Variants in ACACA observed in about 807,000 individuals in gnomAD.
The protein encoded by ACACA is acetyl-CoA carboxylase alpha.
ACACA carries 103 observed loss-of-function variants against 296.1 expected under a neutral mutation model. The observed-to-expected ratio is 0.35, with a 90% CI of 0.30 to 0.41. ACACA has a LOEUF of 0.41. ACACA is among the 10% of genes least tolerant of loss of function. The pLI, the probability that ACACA is intolerant of heterozygous loss-of-function variation, is 1.00. For missense variants in ACACA, 1,554 were observed against 2,989.7 expected, an observed-to-expected ratio of 0.52 and a Z score of 11.20; for synonymous variants, 953 against 1,038.6, an observed-to-expected ratio of 0.92 and a Z score of 1.58.
intron 55 of ACACA, among the ~76,000 whole-genome samples, chr17:37,088,574 C>T (rs2072382812): frequency 6.6e-6 from 1 of 152,212 alleles, no homozygotes. Flanking sequence ...TAGAAGAATA[C>T]AGCTAACTCT....
intron 1 of ACACA, among the ~76,000 whole-genome samples, chr17:37,385,130 C>T (rs2050469081): frequency 6.6e-6 from 1 of 152,092 alleles, no homozygotes; most frequent in African/African-American, 2.4e-5. Flanking sequence ...TCCTTCTACC[C>T]TTGCCCACCC....
intron 1 of ACACA, chr17:37,345,429 A>T (rs200228741): frequency 6.6e-6 from 1 of 152,184 alleles, no homozygotes; most frequent in East Asian, 1.9e-4. Context: ...AACGTCCCTA[A>T]TTGAGTTGCC....
intron 41 of ACACA, among the ~76,000 whole-genome samples, chr17:37,168,332 T>C (rs1394103181): frequency 1.3e-5 from 2 of 152,174 alleles, no homozygotes; most frequent in African/African-American, 4.8e-5. Context: ...ATTGGGATGA[T>C]GAAATTGTAT....
intron 45 of ACACA, chr17:37,141,351 C>T (rs558811010): frequency 8.3e-5 from 36 of 432,910 alleles, no homozygotes; most frequent in East Asian, 8.2e-4. Context: ...GCCCTGTTCA[C>T]GGCCATGGTC....
Position 37,173,980 on chromosome 17 carries a change from A to ATT in ACACA, c.5079+5278_5079+5279dup, listed in dbSNP as rs1477588021. Among the ~76,000 whole-genome samples the ATT allele has an allele frequency of 8.1e-4, 34 of 41,902 alleles. 1 individual carries two copies. Among genetic ancestry groups the ATT allele is most frequent in the African/African-American group, 2.5e-3 (25 of 10,050 alleles). 27.5% of individuals were successfully genotyped at this position (41,902 alleles called of 152,430 possible). Reference sequence around the variant, plus strand: ...AGGCGCCTGCCAACACGCCTGGCTAATTTATATATATATATATATATATAT... The same window carrying ATT: ...AGGCGCCTGCCAACACGCCTGGCTAATTTTTATATATATATATATATATATAT... On this transcript the variant is annotated intron_variant, in intron 41 of 55. Transcript: ENST00000616317.
chr17:37,116,224 G>GCCAT (rs1305121733), intron 50 of ACACA, among the ~76,000 whole-genome samples: 1 of 152,132 alleles, frequency 6.6e-6, no homozygotes, highest in Admixed American at 6.5e-5. Context: ...CTGAGCTCAA[G>GCCAT]CCATCCGCCC....
rs570909584 is a variant in ACACA, at chr17:37,299,238, A to T, written c.339-14268T>A. 156 of 1,587,152 alleles carry T rather than the reference A, an allele frequency of 9.8e-5. No homozygotes were observed. In the Admixed American group the frequency reaches 2.3e-3, roughly 24 times the overall value. On this transcript the variant is annotated intron_variant, in intron 3 of 55. Coordinates refer to ENST00000616317, the MANE Select transcript of ACACA (RefSeq NM_198834.3). The stretch of plus-strand genomic sequence containing the variant: ...GCTGTCAGTACCTTACTGTTTTTTT[A>T]AAGATATATATATTACCCAAATGTG...
chr17:37,350,348 CA>C (rs199521054), intron 1 of ACACA, among the ~76,000 whole-genome samples: 1,648 of 138,520 alleles, frequency 0.012, 36 homozygotes, highest in African/African-American at 0.036. Flanking sequence ...AAAAAAAAAC[CA>C]AAAAAAAAAA....
intron 1 of ACACA, among the ~76,000 whole-genome samples, chr17:37,355,342 G>A (rs904668528): frequency 1.2e-4 from 19 of 152,032 alleles, no homozygotes; most frequent in African/African-American, 4.4e-4. Flanking sequence ...TGGATCACAA[G>A]GTCAGGAGTT....
intron 47 of ACACA, among the ~76,000 whole-genome samples, chr17:37,128,441 A>G (rs2074932889): frequency 6.6e-6 from 1 of 152,232 alleles, no homozygotes; most frequent in Non-Finnish European, 1.5e-5. Flanking sequence ...CAAGATCACA[A>G]TGACTTTTAC....
intron 1 of ACACA, among the ~76,000 whole-genome samples, chr17:37,357,662 TGAA>T (rs1199409030): frequency 6.6e-6 from 1 of 152,192 alleles, no homozygotes; most frequent in African/African-American, 2.4e-5. Flanking sequence ...TACTGAGAAA[TGAA>T]GAAACTGAGG....
chr17:37,141,940 C>T (rs2075599992), intron 45 of ACACA, among the ~76,000 whole-genome samples: 2 of 151,914 alleles, frequency 1.3e-5, no homozygotes. Flanking sequence ...ATCCGCCTGC[C>T]TCTGCCTCCC....
intron 2 of ACACA, 144 bp from the exon 3 acceptor site, chr17:37,330,569 C>A: frequency 9.9e-7 from 1 of 1,013,844 alleles, no homozygotes; most frequent in South Asian, 1.5e-5. Flanking sequence ...TATTCTATTT[C>A]AGGGCCTTTA....
chr17:37,374,068 AG>A (rs1229627488), intron 1 of ACACA, among the ~76,000 whole-genome samples: 1 of 152,020 alleles, frequency 6.6e-6, no homozygotes, highest in Non-Finnish European at 1.5e-5. Flanking sequence ...TTTTTTAAAA[AG>A]TTTTCTAGTC....
At chr17:37,353,637 TAAAA>T (rs1169088763) in intron 1 of ACACA, among the ~76,000 whole-genome samples, 4 of 56,688 alleles carry the variant, frequency 7.1e-5, no homozygotes, top group Admixed American at 5.8e-4. Flanking sequence ...AGACTCCGTC[TAAAA>T]AAAAAAAAAA....
intron 31 of ACACA, among the ~76,000 whole-genome samples, chr17:37,207,193 A>T (rs964260331): frequency 6.6e-6 from 1 of 152,194 alleles, no homozygotes; most frequent in African/African-American, 2.4e-5. Context: ...GTCTTAAAGT[A>T]ACAGAAAGTG....
intron 1 of ACACA, among the ~76,000 whole-genome samples, chr17:37,372,145 A>G (rs558453212): frequency 3.3e-5 from 5 of 152,172 alleles, no homozygotes; most frequent in African/African-American, 1.2e-4. Context: ...CAGACGCAGT[A>G]GTTCACGCCT....
At chr17:37,118,631 G>A (rs2074373706) in intron 50 of ACACA, among the ~76,000 whole-genome samples, 1 of 152,160 alleles carries the variant, frequency 6.6e-6, no homozygotes, top group African/African-American at 2.4e-5. Flanking sequence ...TCAGCCAACT[G>A]TGTTACAGGA....
Position 37,391,213 on chromosome 17 carries a change from C to T in ACACA, c.38+15049G>A, listed in dbSNP as rs143061046. 2.0e-3 allele frequency among the ~76,000 whole-genome samples: 304 copies of T among 152,104 alleles called. 6 individuals are homozygous for T. The East Asian group carries it at 0.054, about 27-fold the overall frequency. On this transcript the variant is annotated intron_variant, in intron 1 of 55. Coordinates refer to ENST00000616317, the MANE Select transcript of ACACA (RefSeq NM_198834.3). ...AGATCACACCACTGCACTGCAGCCT[C>T]GGTGACAGAGCGAGACTCTGTCTCA...
Sources: allele counts gnomAD v4.1 joint callset (sites outside exome capture counted in the v4.1 genomes callset), GRCh38; gene constraint gnomAD v4.1.1; transcripts MANE v1.5; gene names NCBI Gene and HGNC (gene_info 2026-07-23, HGNC 2026-07-21).